Variants in KIF15 observed in about 807,000 individuals in gnomAD.
The protein encoded by KIF15 is kinesin family member 15.
In KIF15, 140 loss-of-function variants were observed where a neutral mutation model predicts 190.6. That is an observed-to-expected ratio of 0.73 (90% CI 0.64 to 0.84). The LOEUF (loss-of-function observed/expected upper bound fraction) is 0.84. Among genes scored for constraint, KIF15 ranks in the 40% least tolerant of loss-of-function variants. The pLI, the probability that KIF15 is intolerant of heterozygous loss-of-function variation, is 0.00. For missense variants in KIF15, 1,372 were observed against 1,584.4 expected (o/e 0.87, Z 2.28); for synonymous variants, 528 against 551.3 (o/e 0.96, Z 0.59).
At chr3:44,836,455 A>T (rs1698328005) in intron 26 of KIF15, among the ~76,000 whole-genome samples, 1 of 152,184 alleles carries the variant, frequency 6.6e-6, no homozygotes, top group Admixed American at 6.5e-5. Flanking sequence ...TCTTGATATA[A>T]AGATTAGAAC....
chr3:44,776,296 C>G (rs1434213598), intron 3 of KIF15, among the ~76,000 whole-genome samples: 2 of 150,580 alleles, frequency 1.3e-5, no homozygotes, highest in Non-Finnish European at 2.9e-5. Flanking sequence ...GTGGCACATG[C>G]CTGTTATCCC....
intron 24 of KIF15, among the ~76,000 whole-genome samples, chr3:44,829,474 AAT>A (rs565136478): frequency 7.5e-6 from 1 of 133,316 alleles, no homozygotes; most frequent in African/African-American, 3.0e-5. Context: ...ATATGTATAT[AAT>A]ATGTGTATAT....
At chr3:44,796,556 C>T (rs1444691597) in intron 8 of KIF15, among the ~76,000 whole-genome samples, 2 of 152,192 alleles carry the variant, frequency 1.3e-5, no homozygotes, top group African/African-American at 2.4e-5. Context: ...TACTCTCAAC[C>T]ATGCCACTAA....
chr3:44,800,483 T>C (rs886581521), intron 11 of KIF15, 46 bp downstream of exon 11: 2 of 1,587,708 alleles, frequency 1.3e-6, no homozygotes, highest in Non-Finnish European at 1.7e-6. Flanking sequence ...ACTGTACAAA[T>C]AATAGTTTAA....
intron 6 of KIF15, among the ~76,000 whole-genome samples, chr3:44,859,576 CTT>C (rs1439498033): frequency 2.0e-5 from 3 of 152,302 alleles, no homozygotes; most frequent in Non-Finnish European, 4.4e-5. Context: ...GGGAGAATCA[CTT>C]GAGCCCAGCA....
At chr3:44,842,732 G>A (rs907629210) in intron 29 of KIF15, among the ~76,000 whole-genome samples, 10 of 152,212 alleles carry the variant, frequency 6.6e-5, no homozygotes, top group African/African-American at 2.4e-4. Context: ...TGATTTTCAA[G>A]TTAGGATGCA....
At chr3:44,855,399 A>C (rs1266398285), downstream of KIF15, among the ~76,000 whole-genome samples, 2 of 152,216 alleles carry the variant, frequency 1.3e-5, no homozygotes, top group African/African-American at 4.8e-5. Flanking sequence ...TCTTTTGTGG[A>C]TCTTCAGTTG....
intron 6 of KIF15, chr3:44,864,909 A>G (rs1699303756): frequency 8.6e-7 from 1 of 1,167,476 alleles, no homozygotes; most frequent in Non-Finnish European, 1.2e-6. Context: ...GGTGACAGCT[A>G]GGTTTCAAGC....
At chr3:44,801,200 G>A (rs907907425) in intron 11 of KIF15, among the ~76,000 whole-genome samples, 2 of 146,714 alleles carry the variant, frequency 1.4e-5, no homozygotes, top group African/African-American at 5.1e-5. Context: ...AGTAGAGATC[G>A]GGGGCGGCGG....
intron 26 of KIF15, among the ~76,000 whole-genome samples, chr3:44,831,248 C>G (rs74993993): frequency 0.019 from 2,836 of 152,208 alleles, 76 homozygotes; most frequent in African/African-American, 0.064. Context: ...ACTCCACACA[C>G]GTTCACGCTG....
chr3:44,810,129 A>G (rs560422437), intron 16 of KIF15, among the ~76,000 whole-genome samples: 1 of 152,334 alleles, frequency 6.6e-6, no homozygotes, highest in South Asian at 2.1e-4. Flanking sequence ...ATTTGAATGT[A>G]CATAAGCTAA....
At chr3:44,805,002 A>T (rs372720830) in intron 14 of KIF15, 25 bp from the exon 15 acceptor site, 47 of 1,580,928 alleles carry the variant, frequency 3.0e-5, no homozygotes, top group Non-Finnish European at 4.0e-5. Context: ...AAAAAAAAAG[A>T]CTGAGATTGT....
intron 24 of KIF15, 52 bp downstream of exon 24, chr3:44,828,352 G>GT (rs1308799567): frequency 1.5e-6 from 2 of 1,309,330 alleles, no homozygotes; most frequent in African/African-American, 1.5e-5. Flanking sequence ...ATAAATGCTA[G>GT]TTTAACATTT....
At chr3:44,829,719 ATT>A (rs1328054723) in intron 24 of KIF15, among the ~76,000 whole-genome samples, 4 of 135,328 alleles carry the variant, frequency 3.0e-5, no homozygotes, top group Admixed American at 8.0e-5. Flanking sequence ...ATGTATATAT[ATT>A]ATAGATGTAT....
intron 30 of KIF15, among the ~76,000 whole-genome samples, chr3:44,844,255 A>G (rs1480673928): frequency 6.6e-6 from 1 of 152,220 alleles, no homozygotes; most frequent in Non-Finnish European, 1.5e-5. Context: ...GAGGATGGTA[A>G]TGGTGGCTAT....
chr3:44,789,664 AT>A (rs1706583238), intron 7 of KIF15, among the ~76,000 whole-genome samples: 1 of 27,314 alleles, frequency 3.7e-5, no homozygotes, highest in Non-Finnish European at 9.6e-5. Flanking sequence ...ATATATATAT[AT>A]ATATATATAT....
intron 16 of KIF15, among the ~76,000 whole-genome samples, chr3:44,807,787 G>A (rs1225276653): frequency 6.6e-6 from 1 of 151,864 alleles, no homozygotes; most frequent in Non-Finnish European, 1.5e-5. Flanking sequence ...TTTTGTTTCT[G>A]TTTTGATTTT....
chr3:44,812,394 CAT>C (rs751886010), intron 18 of KIF15, 105 bp downstream of exon 18: 209 of 772,006 alleles, frequency 2.7e-4, no homozygotes, highest in Non-Finnish European at 4.3e-4. Context: ...ATGCATGAAA[CAT>C]ATTCAGAGAG....
intron 5 of KIF15, among the ~76,000 whole-genome samples, chr3:44,783,676 C>T (rs1706271957): frequency 6.6e-6 from 1 of 152,100 alleles, no homozygotes; most frequent in Non-Finnish European, 1.5e-5. Context: ...CATTTTTCTA[C>T]CTCTGTTATA....
Sources: gnomAD v4.1 joint callset for allele counts (sites outside exome capture counted in the v4.1 genomes callset) on GRCh38, gnomAD v4.1.1 for gene constraint, MANE v1.5 for transcripts, NCBI Gene and HGNC (gene_info 2026-07-23, HGNC 2026-07-21) for gene names.